TBC1D8: variants seen among roughly 807,000 people sequenced by gnomAD.
The protein encoded by TBC1D8 is BUB2-like protein 1.
TBC1D8 carries 65 observed loss-of-function variants against 118.8 expected under a neutral mutation model. That is an observed-to-expected ratio of 0.55 (90% CI 0.45 to 0.67). TBC1D8 has a LOEUF of 0.67. Ranked by LOEUF, TBC1D8 falls within the 30% of genes least tolerant of loss-of-function variation. TBC1D8 has a pLI of 0.00. For synonymous variants in TBC1D8, 566 were observed against 595.8 expected, an observed-to-expected ratio of 0.95 and a Z score of 0.73; for missense variants, 1,376 against 1,471.2, an observed-to-expected ratio of 0.94 and a Z score of 1.06.
Position 101,151,238 on chromosome 2 carries a change from C to T in TBC1D8, c.16G>A (p.Glu6Lys). The T allele has an allele frequency of 8.3e-7, 1 of 1,209,910 alleles. No individual in the cohort carries two copies. Among genetic ancestry groups the T allele is most frequent in the Non-Finnish European group, 1.1e-6 (1 of 951,300 alleles). The allele number at this position is 1,209,910 out of a possible 1,614,324, so 74.9% of individuals were successfully genotyped here. The part of the protein sequence containing the change: MWLKP[E>K]EVLLKNALKL... ...AGCGCGTTCTTCAGCAGCACCTCCT[C>T]GGGCTTGAGCCACATCGCGGCGGTC... is the stretch of plus-strand genomic sequence containing the variant. Residue 6 changes from glutamate to lysine, a missense_variant, in exon 1 of 20, where the codon GAG (glutamate) becomes AAG (lysine). Glu to Lys is a moderately conservative substitution (Grantham distance 56). Coordinates refer to ENST00000409318, the MANE Select transcript of TBC1D8 (RefSeq NM_001330348.2).
chr2:101,126,079 ATC>A (rs1366446741), intron 1 of TBC1D8, among the ~76,000 whole-genome samples: 1 of 152,214 alleles, frequency 6.6e-6, no homozygotes, highest in East Asian at 1.9e-4. Flanking sequence ...TGGCACCAGT[ATC>A]TGTGTCTGAT....
intron 17 of TBC1D8, among the ~76,000 whole-genome samples, chr2:101,021,031 C>T (rs1174700893): frequency 6.6e-6 from 1 of 152,148 alleles, no homozygotes; most frequent in Non-Finnish European, 1.5e-5. Context: ...GTAAAAGCCA[C>T]CAGGATATCA....
chr2:101,040,421 G>C, intron 5 of TBC1D8, 36 bp from the exon 6 acceptor site: 1 of 1,551,162 alleles, frequency 6.4e-7, no homozygotes, highest in Non-Finnish European at 8.7e-7. Flanking sequence ...GAAGAGATAG[G>C]AAAGGTGAAT....
intron 8 of TBC1D8, 76 bp downstream of exon 8, chr2:101,037,456 A>G: frequency 6.4e-7 from 1 of 1,555,340 alleles, no homozygotes; most frequent in Non-Finnish European, 8.7e-7. Context: ...TTCCATGGTG[A>G]CTCAGACAGC....
chr2:101,068,825 C>T (rs552802091), intron 2 of TBC1D8, among the ~76,000 whole-genome samples: 6 of 152,102 alleles, frequency 3.9e-5, no homozygotes, highest in Non-Finnish European at 8.8e-5. Flanking sequence ...ATGGTGAAAC[C>T]CTGTCTCAAC....
At chr2:101,134,557 CTCT>C (rs779347935) in intron 1 of TBC1D8, among the ~76,000 whole-genome samples, 18 of 152,142 alleles carry the variant, frequency 1.2e-4, no homozygotes, top group Non-Finnish European at 2.5e-4. Context: ...AGTGAGGGTT[CTCT>C]TCTTGGCTTG....
intron 1 of TBC1D8, among the ~76,000 whole-genome samples, chr2:101,143,251 T>TG (rs1408464026): frequency 1.1e-4 from 16 of 151,862 alleles, no homozygotes; most frequent in African/African-American, 3.9e-4. Flanking sequence ...TTAGTAGAGA[T>TG]GGGGTTTCAC....
chr2:101,089,958 G>T (rs1211647659), intron 2 of TBC1D8, among the ~76,000 whole-genome samples: 1 of 148,720 alleles, frequency 6.7e-6, no homozygotes, highest in Non-Finnish European at 1.5e-5. Flanking sequence ...GGAGGGGAAA[G>T]CAAGGGTTGA....
At chr2:101,078,753 C>CCTTTCTA (rs1675023873) in intron 2 of TBC1D8, among the ~76,000 whole-genome samples, 1 of 108,118 alleles carries the variant, frequency 9.2e-6, no homozygotes, top group Non-Finnish European at 1.8e-5. Context: ...CCTTTCTTAG[C>CCTTTCTA]AAAAAAAAAA....
At chr2:101,054,693 T>TGGAGACGGAG (rs1682308357) in intron 3 of TBC1D8, among the ~76,000 whole-genome samples, 1 of 124,390 alleles carries the variant, frequency 8.0e-6, no homozygotes, top group African/African-American at 3.0e-5. Context: ...TTTTTTTTTT[T>TGGAGACGGAG]TTTTTGGAGA....
chr2:101,099,167 A>C (rs1307045368), intron 1 of TBC1D8, among the ~76,000 whole-genome samples: 1 of 152,148 alleles, frequency 6.6e-6, no homozygotes, highest in East Asian at 1.9e-4. Context: ...ATAAAAAATG[A>C]TAAAGGGGAT....
At chr2:101,090,892 T>C (rs1191904621) in intron 1 of TBC1D8, among the ~76,000 whole-genome samples, 4 of 152,256 alleles carry the variant, frequency 2.6e-5, no homozygotes, top group Non-Finnish European at 4.4e-5. Context: ...CCATAAAAAG[T>C]ACTCTATGTC....
At chr2:101,081,656 G>C (rs1182688429) in intron 2 of TBC1D8, among the ~76,000 whole-genome samples, 1 of 152,226 alleles carries the variant, frequency 6.6e-6, no homozygotes, top group Non-Finnish European at 1.5e-5. Flanking sequence ...CCAGTAACCA[G>C]AGGAGACAGT....
At position 101,120,772 on chromosome 2, in the gene TBC1D8, T is replaced by C. The variant is rs540989698; in HGVS notation, c.127+30355A>G. Among the ~76,000 whole-genome samples, 3 of 152,330 alleles carry C rather than the reference T, an allele frequency of 2.0e-5. No homozygotes were observed. The South Asian group carries it at 6.2e-4, about 32-fold the overall frequency. On this transcript the variant is annotated intron_variant, in intron 1 of 19. Transcript: ENST00000409318. ...CAAGTGCCCCATGGGCAGTGACTCA[T>C]GTCTGACCTTAACAAGAGCTGGCTC... is the stretch of plus-strand genomic sequence containing the variant.
rs1453355037 is a variant in TBC1D8 at position 101,021,649 on chromosome 2, A to C, written c.2827+32T>G. ...AGCTGATACTGTGTTGAAGCAGAGC[A>C]CAGTCTGATTTTGCTACTTGGACTT... On this transcript the variant is annotated intron_variant, in intron 17 of 19. Transcript: ENST00000409318. 4 of 1,444,424 alleles carry C rather than the reference A, an allele frequency of 2.8e-6. No homozygotes were observed. The Admixed American group carries it at 7.0e-5, about 25-fold the overall frequency. 89.5% of individuals were successfully genotyped at this position (1,444,424 alleles called of 1,614,324 possible). A position where few individuals can be genotyped will look rare whatever the true frequency, so the allele number is the denominator to read the frequency against.
intron 3 of TBC1D8, among the ~76,000 whole-genome samples, chr2:101,056,711 T>C (rs1682457929): frequency 6.6e-6 from 1 of 151,740 alleles, no homozygotes; most frequent in Non-Finnish European, 1.5e-5. Flanking sequence ...CGTGGAGGGG[T>C]CTTTATGAAG....
In TBC1D8 at chr2:101,007,754, C is replaced by T; in HGVS notation, c.*67G>A. Reference sequence around the variant, plus strand: ...ACTGAAATCTCGGTTTAGGGCTGACCCCAAGAAACAGTCTGGTTCGTGCTT... The same window carrying T: ...ACTGAAATCTCGGTTTAGGGCTGACTCCAAGAAACAGTCTGGTTCGTGCTT... On this transcript the variant is annotated 3_prime_UTR_variant, in exon 20 of 20. Coordinates refer to ENST00000409318, the MANE Select transcript of TBC1D8 (RefSeq NM_001330348.2). The T allele has an allele frequency of 6.6e-7, 1 of 1,512,644 alleles. No homozygotes were observed. The highest frequency in any genetic ancestry group is 9.0e-7 in the Non-Finnish European group (1 of 1,109,886). 93.7% of individuals were successfully genotyped at this position (1,512,644 alleles called of 1,614,324 possible).
chr2:101,123,822 T>C (rs1678232195), intron 1 of TBC1D8, among the ~76,000 whole-genome samples: 1 of 152,218 alleles, frequency 6.6e-6, no homozygotes, highest in Non-Finnish European at 1.5e-5. Flanking sequence ...GCAGAGCCCC[T>C]GACAGGGAGC....
intron 1 of TBC1D8, among the ~76,000 whole-genome samples, chr2:101,099,100 T>A (rs115369909): frequency 0.012 from 1,724 of 145,054 alleles, 34 homozygotes; most frequent in African/African-American, 0.04. Flanking sequence ...TTTGAAAAAA[T>A]TAACAAGACC....
Sources: allele counts gnomAD v4.1 joint callset (sites outside exome capture counted in the v4.1 genomes callset), GRCh38; gene constraint gnomAD v4.1.1; transcripts MANE v1.5; gene names NCBI Gene and HGNC (gene_info 2026-07-23, HGNC 2026-07-21).